TMEM131L: variants seen among roughly 807,000 people sequenced by gnomAD.
TMEM131L encodes the protein transmembrane protein 131-like.
In TMEM131L, 54 loss-of-function variants were observed where a neutral mutation model predicts 192.2. That is an observed-to-expected ratio of 0.28 (90% CI 0.23 to 0.35). The LOEUF is 0.35. Ranked by LOEUF, TMEM131L falls within the 10% of genes least tolerant of loss-of-function variation. The probability of loss-of-function intolerance (pLI) is 1.00; values close to 1 mark genes in which losing one functional copy is unlikely to be tolerated. For missense variants in TMEM131L, 1,888 were observed against 1,972.9 expected (o/e 0.96, Z 0.82); for synonymous variants, 701 against 704.9 (o/e 0.99, Z 0.09).
chr4:153,511,299 C>T lies in TMEM131L; in HGVS notation c.239+37411C>T, dbSNP rs377467574. On this transcript the variant is annotated intron_variant, in intron 3 of 34. Transcript: ENST00000409959. ...ATATACACCGTGGAATACTACACAG[C>T]CATCAAAAAGAATGAGATCATGTCC... Among the ~76,000 whole-genome samples, 180 of 152,268 alleles carry T rather than the reference C, an allele frequency of 1.2e-3. 1 individual carries two copies. Among genetic ancestry groups the T allele is most frequent in the African/African-American group, 4.1e-3 (171 of 41,540 alleles).
At chr4:153,556,768 A>G (rs1728486808) in intron 5 of TMEM131L, among the ~76,000 whole-genome samples, 198 bp from the exon 6 acceptor site, 1 of 152,240 alleles carries the variant, frequency 6.6e-6, no homozygotes, top group South Asian at 2.1e-4. Context: ...ATCCTAAGTT[A>G]GTGGTAATAT....
chr4:153,470,353 T>C (rs1383333982), intron 2 of TMEM131L, among the ~76,000 whole-genome samples: 1 of 152,214 alleles, frequency 6.6e-6, no homozygotes, highest in Non-Finnish European at 1.5e-5. Flanking sequence ...TTGGAGAGCA[T>C]GAACGGCTTT....
At chr4:153,526,463 G>A (rs1265074781) in intron 3 of TMEM131L, among the ~76,000 whole-genome samples, 1 of 151,922 alleles carries the variant, frequency 6.6e-6, no homozygotes, top group Non-Finnish European at 1.5e-5. Context: ...GGCCGGGCAC[G>A]GTGGCTCACA....
chr4:153,470,876 C>T (rs188836981), intron 2 of TMEM131L, among the ~76,000 whole-genome samples: 1 of 152,368 alleles, frequency 6.6e-6, no homozygotes, highest in Middle Eastern at 3.4e-3. Flanking sequence ...ATGAATGCAA[C>T]AGCCCCGCTG....
intron 8 of TMEM131L, 43 bp downstream of exon 8, chr4:153,580,946 C>A: frequency 7.4e-7 from 1 of 1,348,816 alleles, no homozygotes; most frequent in Non-Finnish European, 1.1e-6. Flanking sequence ...TTTCCTCCTG[C>A]CTCTTTGCTT....
At chr4:153,557,456 T>C (rs12506179) in intron 6 of TMEM131L, among the ~76,000 whole-genome samples, 31,071 of 152,130 alleles carry the variant, frequency 0.2, 5,078 homozygotes, top group East Asian at 0.52. Context: ...TTTGCCTACC[T>C]TCCCTCTTTG....
chr4:153,627,302 GCTACCTGTCTGAAAATC>G (rs1733914303), intron 30 of TMEM131L, among the ~76,000 whole-genome samples: 1 of 152,104 alleles, frequency 6.6e-6, no homozygotes, highest in Non-Finnish European at 1.5e-5. Context: ...CAGACAGGTG[GCTACCTGTCTGAAAATC>G]TACCTGACGG....
intron 7 of TMEM131L, among the ~76,000 whole-genome samples, chr4:153,563,319 C>G (rs755228854): frequency 2.0e-5 from 3 of 152,070 alleles, no homozygotes; most frequent in Non-Finnish European, 4.4e-5. Context: ...TTTAAAAGAT[C>G]GTTATGAGTT....
chr4:153,524,566 A>G (rs1028403606), intron 3 of TMEM131L, among the ~76,000 whole-genome samples: 4 of 152,124 alleles, frequency 2.6e-5, no homozygotes, highest in Non-Finnish European at 5.9e-5. Context: ...CATGCTTTTT[A>G]TTTTAAGGGA....
chr4:153,587,735 A>G lies in TMEM131L; in HGVS notation c.1483-7A>G. 1 of 1,597,604 alleles carries G rather than the reference A, an allele frequency of 6.3e-7. No individual in the cohort carries two copies. The highest frequency in any genetic ancestry group is 1.3e-5 in the African/African-American group (1 of 74,692). ...TTAAGTTATTCATATATTACTTTTC[A>G]ATCTAGGAAGGGAGTCTGGGTTTTG... On this transcript the variant is annotated splice_region_variant and splice_polypyrimidine_tract_variant and intron_variant, in intron 14 of 34. Transcript: ENST00000409959.
intron 3 of TMEM131L, among the ~76,000 whole-genome samples, chr4:153,499,264 C>T (rs1733414436): frequency 6.6e-6 from 1 of 152,166 alleles, no homozygotes; most frequent in Admixed American, 6.5e-5. Context: ...GTCGCTGTAG[C>T]TCAGACATGG....
At chr4:153,608,352 A>C (rs998960439) in intron 25 of TMEM131L, among the ~76,000 whole-genome samples, 1 of 152,130 alleles carries the variant, frequency 6.6e-6, no homozygotes, top group African/African-American at 2.4e-5. Context: ...ACGTTCCAGA[A>C]CCTCTTGGTC....
chr4:153,534,675 C>G lies in TMEM131L; in HGVS notation c.240-15398C>G, dbSNP rs144296978. On this transcript the variant is annotated intron_variant, in intron 3 of 34. Transcript: ENST00000409959. ...GTCTCTATCTCCTGACCTCGTGATA[C>G]GCCCGCCTCGGCCTCCCAATGTGCT... Among the ~76,000 whole-genome samples the G allele has an allele frequency of 7.4e-3, 1,120 of 152,252 alleles. 17 individuals are homozygous for G. The highest frequency in any genetic ancestry group is 0.026 in the African/African-American group (1,079 of 41,530).
Position 153,636,569 on chromosome 4 carries a change from ATG to A in TMEM131L, c.4831_4832del (p.Ter1611LysfsTer26). On this transcript the variant is annotated frameshift_variant, in exon 35 of 35. Transcript: ENST00000409959. LOFTEE classifies it high-confidence loss of function. Reference sequence around the variant, plus strand: ...TCTAGAGACTCGAGTTACTGTGGGAATGTGTGAAAATAATTGGATTTTTAAAC... The same window carrying A: ...TCTAGAGACTCGAGTTACTGTGGGAATGTGAAAATAATTGGATTTTTAAAC... The A allele has an allele frequency of 6.2e-7, 1 of 1,609,464 alleles. No individual in the cohort carries two copies. The highest frequency in any genetic ancestry group is 8.5e-7 in the Non-Finnish European group (1 of 1,176,272).
chr4:153,493,135 A>G (rs1732903847), intron 3 of TMEM131L, among the ~76,000 whole-genome samples: 1 of 151,864 alleles, frequency 6.6e-6, no homozygotes, highest in Non-Finnish European at 1.5e-5. Flanking sequence ...TCACAAGGTC[A>G]GGAGATCGAG....
chr4:153,595,137 C>T (rs1166157851), intron 19 of TMEM131L, among the ~76,000 whole-genome samples: 6 of 152,114 alleles, frequency 3.9e-5, no homozygotes, highest in Admixed American at 2.0e-4. Flanking sequence ...TAGTTAATAT[C>T]AGTGCCTTGA....
At chr4:153,567,844 C>T (rs1270834619) in intron 7 of TMEM131L, among the ~76,000 whole-genome samples, 2 of 152,070 alleles carry the variant, frequency 1.3e-5, no homozygotes, top group African/African-American at 2.4e-5. Flanking sequence ...AGCCCAGCCC[C>T]CAGGCTGCTT....
intron 29 of TMEM131L, among the ~76,000 whole-genome samples, chr4:153,623,704 G>A (rs761205599): frequency 5.3e-5 from 8 of 152,064 alleles, no homozygotes; most frequent in African/African-American, 9.7e-5. Context: ...TTTTATTGCC[G>A]GGTAATACTC....
At chr4:153,504,725 A>G (rs1294095124) in intron 3 of TMEM131L, among the ~76,000 whole-genome samples, 1 of 152,230 alleles carries the variant, frequency 6.6e-6, no homozygotes, top group Non-Finnish European at 1.5e-5. Flanking sequence ...TCTCTTAACT[A>G]GGTTATGAGA....
Sources: allele counts gnomAD v4.1 joint callset (sites outside exome capture counted in the v4.1 genomes callset), GRCh38; gene constraint gnomAD v4.1.1; transcripts MANE v1.5; gene names NCBI Gene and HGNC (gene_info 2026-07-23, HGNC 2026-07-21).